The following CCDC88A variants were observed in gnomAD, a reference collection of about 807,000 sequenced individuals.
CCDC88A encodes coiled-coil and HOOK domain protein 88A.
Under a neutral mutation model 234.3 loss-of-function variants are expected in CCDC88A, and 54 were observed. That is an observed-to-expected ratio of 0.23 (90% CI 0.19 to 0.29). The LOEUF (loss-of-function observed/expected upper bound fraction) is 0.29, where lower values mean the gene tolerates loss of function less well. CCDC88A is among the 10% of genes least tolerant of loss of function. The pLI, the probability that CCDC88A is intolerant of heterozygous loss-of-function variation, is 1.00. For missense variants in CCDC88A, 1,832 were observed against 2,123.4 expected (o/e 0.86, Z 2.70); for synonymous variants, 753 against 737.8 (o/e 1.02, Z -0.33).
At chr2:55,352,722 A>C (rs1670048920) in intron 8 of CCDC88A, among the ~76,000 whole-genome samples, 1 of 152,196 alleles carries the variant, frequency 6.6e-6, no homozygotes, top group Non-Finnish European at 1.5e-5. Context: ...TTTAAAAATT[A>C]CTTTTTTCAC....
In CCDC88A at chr2:55,296,221, G is replaced by GT. The variant is rs771532351; in HGVS notation, c.5091+36dup. 1.9e-5 allele frequency: 30 copies of GT among 1,563,708 alleles called. No individual in the cohort carries two copies. The African/African-American group carries it at 4.1e-4, about 21-fold the overall frequency. On this transcript the variant is annotated intron_variant, in intron 30 of 32. Coordinates refer to ENST00000436346, the MANE Select transcript of CCDC88A (RefSeq NM_001365480.1). ...CAATTACAGAAATTTAACTTGTGGT[G>GT]TTCATCTAAATTAAGGTCATCATAG...
At chr2:55,310,019 GC>G (rs1334616535) in intron 23 of CCDC88A, among the ~76,000 whole-genome samples, 1 of 152,060 alleles carries the variant, frequency 6.6e-6, no homozygotes, top group African/African-American at 2.4e-5. Flanking sequence ...ACGAAATAAA[GC>G]CCCATGAAGA....
chr2:55,419,531 CGACCT>C lies in CCDC88A; in HGVS notation c.-457_-453del. 20 of 138,898 alleles carry C rather than the reference CGACCT, an allele frequency of 1.4e-4. No individual in the cohort carries two copies. The highest frequency in any genetic ancestry group is 4.4e-4 in the South Asian group (2 of 4,578). 8.6% of individuals were successfully genotyped at this position (138,898 alleles called of 1,614,324 possible). On this transcript the variant is annotated 5_prime_UTR_variant, in exon 1 of 33. Coordinates refer to ENST00000436346, the MANE Select transcript of CCDC88A (RefSeq NM_001365480.1). ...AAGGATACCGAGGCGCCACCAGACT[CGACCT>C]CGGCGTTCCGACCTCTACACGTTCC...
At chr2:55,353,317 T>C (rs1239948650) in intron 8 of CCDC88A, among the ~76,000 whole-genome samples, 3 of 152,202 alleles carry the variant, frequency 2.0e-5, no homozygotes, top group Non-Finnish European at 4.4e-5. Flanking sequence ...CTAAATTATA[T>C]GGAGCAAACT....
chr2:55,328,163 T>C lies in CCDC88A; in HGVS notation c.2997+131A>G, dbSNP rs1684490529. On this transcript the variant is annotated intron_variant, in intron 17 of 32. Transcript: ENST00000436346. The surrounding 1 kb of genome is among the most constrained non-coding windows in gnomAD (Gnocchi z 4.3). ...AGATCTGTTTAAGAATATTCTCAAG[T>C]TTATGAAAAAGGAAGAAATAGACTA... The C allele has an allele frequency of 1.4e-6, 1 of 732,572 alleles. No individual in the cohort carries two copies. The allele number at this position is 732,572 out of a possible 1,614,324, so 45.4% of individuals were successfully genotyped here.
rs775408795 is a variant in CCDC88A, at chr2:55,295,849, T to C, written c.5299A>G (p.Ile1767Val). 2.8e-5 allele frequency: 45 copies of C among 1,614,034 alleles called. No individual in the cohort carries two copies. In the South Asian group the frequency reaches 4.9e-4, roughly 18 times the overall value. Residue 1767 changes from isoleucine to valine, a missense_variant, in exon 31 of 33, where the codon ATT becomes GTT. By Grantham distance (29) the Ile-to-Val change is conservative. Coordinates refer to ENST00000436346, the MANE Select transcript of CCDC88A (RefSeq NM_001365480.1). ...GGTGTAGGTTTTCCCGCAGAACTAATGAAGTAGGTATCTTCAGTTTTTCGA... is the reference window on the plus strand; with the variant it reads ...GGTGTAGGTTTTCCCGCAGAACTAACGAAGTAGGTATCTTCAGTTTTTCGA... ...GPRKTEDTYFISSAGKPTPGT... is the reference protein window; with the variant it reads ...GPRKTEDTYFVSSAGKPTPGT...
At chr2:55,315,867 T>A in intron 22 of CCDC88A, 61 bp downstream of exon 22, 1 of 899,066 alleles carries the variant, frequency 1.1e-6, no homozygotes, top group East Asian at 2.7e-5. Flanking sequence ...TAGTCATTTA[T>A]TTCTTAGGCA....
At chr2:55,401,562 C>T (rs1451702254) in intron 2 of CCDC88A, among the ~76,000 whole-genome samples, 4 of 37,800 alleles carry the variant, frequency 1.1e-4, no homozygotes, top group African/African-American at 2.0e-4. Flanking sequence ...ATTTCTCCCC[C>T]CCATAAATTC....
rs1426956426 is a variant in CCDC88A, at chr2:55,295,636, G to A, written c.5512C>T (p.Pro1838Ser). The change falls in exon 31 of 33, where the codon CCA becomes TCA. Residue 1838 changes from proline to serine, a missense_variant. Physicochemically the swap from Pro to Ser is moderately conservative, Grantham distance 74. This residue lies in a region of CCDC88A where 422 missense variants were observed against 416.5 expected (regional missense o/e 1.01). Coordinates refer to ENST00000436346, the MANE Select transcript of CCDC88A (RefSeq NM_001365480.1). ...GTGTTGCTGTCAGCAGCAGCTGGTG[G>A]TGAATCAACTGATATAGGCAGTCTA... ...DSRLPISVDS[P>S]PAAADSNTTA... 6.2e-7 allele frequency: 1 copy of A among 1,614,166 alleles called. No individual in the cohort carries two copies. The highest frequency in any genetic ancestry group is 2.2e-5 in the East Asian group (1 of 44,890).
intron 2 of CCDC88A, among the ~76,000 whole-genome samples, chr2:55,416,329 G>C (rs1268853717): frequency 6.7e-6 from 1 of 148,302 alleles, no homozygotes. Flanking sequence ...AAACAAAGAA[G>C]ACTGAAAGAA....
In CCDC88A at chr2:55,295,712, G is replaced by A. The variant is rs771013322; in HGVS notation, c.5436C>T (p.Ala1812=). 1.7e-5 allele frequency: 28 copies of A among 1,613,962 alleles called. No homozygotes were observed. Among genetic ancestry groups the A allele is most frequent in the Non-Finnish European group, 2.2e-5 (26 of 1,180,010 alleles). Residue 1812 remains alanine, a synonymous_variant, in exon 31 of 33, where the codon GCC becomes GCT. Coordinates refer to ENST00000436346, the MANE Select transcript of CCDC88A (RefSeq NM_001365480.1). ...LPRASSVIST[A]EGTTRRTSIH... ...TGCTTGTCCTTCGTGTAGTTCCTTC[G>A]GCAGTTGAGATCACGCTGCTTGCAC...
intron 8 of CCDC88A, among the ~76,000 whole-genome samples, chr2:55,354,742 C>CT (rs1262166312): frequency 6.7e-6 from 1 of 149,560 alleles, no homozygotes; most frequent in Non-Finnish European, 1.5e-5. Flanking sequence ...TTTTTTGTAT[C>CT]TTCTAGTAGA....
chr2:55,400,551 A>G (rs1220008686), intron 2 of CCDC88A, among the ~76,000 whole-genome samples: 1 of 152,264 alleles, frequency 6.6e-6, no homozygotes, highest in Non-Finnish European at 1.5e-5. Flanking sequence ...ATAAACGGAC[A>G]GTAGTATTAT....
intron 25 of CCDC88A, among the ~76,000 whole-genome samples, chr2:55,307,510 A>G (rs1463715054): frequency 1.3e-5 from 2 of 150,544 alleles, no homozygotes; most frequent in Non-Finnish European, 3.0e-5. Flanking sequence ...CATGCACCAC[A>G]ACGCCCGGCT....
chr2:55,416,549 C>A (rs1161403802), intron 2 of CCDC88A, among the ~76,000 whole-genome samples: 2 of 140,768 alleles, frequency 1.4e-5, no homozygotes, highest in African/African-American at 5.2e-5. Flanking sequence ...AAACTATAAA[C>A]CCACAGATCC....
chr2:55,316,747 T>A (rs1683033921), intron 21 of CCDC88A: 1 of 152,110 alleles, frequency 6.6e-6, no homozygotes, highest in Admixed American at 6.6e-5. Context: ...TCTCTCTTTT[T>A]TTTTTGGAGA....
chr2:55,412,547 C>T (rs567858299), intron 2 of CCDC88A, among the ~76,000 whole-genome samples: 1 of 152,236 alleles, frequency 6.6e-6, no homozygotes, highest in South Asian at 2.1e-4. Context: ...TGCGAGGGAT[C>T]TAGGTTGCAC....
chr2:55,323,638 T>A (rs559376482), intron 17 of CCDC88A: 1 of 152,358 alleles, frequency 6.6e-6, no homozygotes, highest in African/African-American at 2.4e-5. Flanking sequence ...GAGGTCCTTA[T>A]TCTAGGCTTA....
intron 17 of CCDC88A, among the ~76,000 whole-genome samples, chr2:55,325,337 C>T (rs1351406158): frequency 6.6e-6 from 1 of 152,130 alleles, no homozygotes; most frequent in Non-Finnish European, 1.5e-5. Flanking sequence ...TTCAATCTTT[C>T]ATTGCTAATG....
Sources: gnomAD v4.1 joint callset for allele counts (sites outside exome capture counted in the v4.1 genomes callset) on GRCh38, gnomAD v4.1.1 for gene constraint, gnomAD v4.1.1 regional missense constraint, Gnocchi (gnomAD v3.1) non-coding constraint, MANE v1.5 for transcripts, NCBI Gene and HGNC (gene_info 2026-07-23, HGNC 2026-07-21) for gene names.